The following OSBPL10 variants were observed in gnomAD, a reference collection of about 807,000 sequenced individuals.
The protein encoded by OSBPL10 is oxysterol-binding protein-related protein 10.
OSBPL10 carries 49 observed loss-of-function variants against 81.7 expected under a neutral mutation model. The observed-to-expected ratio is 0.60, with a 90% CI of 0.48 to 0.76. The LOEUF is 0.76. OSBPL10 is among the 30% of genes least tolerant of loss of function. OSBPL10 has a pLI of 0.00. For synonymous variants in OSBPL10, 419 were observed against 383.6 expected (o/e 1.09, Z -1.08); for missense variants, 923 against 987.8 (o/e 0.93, Z 0.88).
At chr3:31,779,956 G>T (rs1412498418) in intron 4 of OSBPL10, among the ~76,000 whole-genome samples, 1 of 152,154 alleles carries the variant, frequency 6.6e-6, no homozygotes, top group Non-Finnish European at 1.5e-5. Context: ...TAATCTTTGA[G>T]TCAACAATAA....
chr3:32,000,021 GC>G (rs1456726432), intron 2 of OSBPL10, among the ~76,000 whole-genome samples: 3 of 152,090 alleles, frequency 2.0e-5, no homozygotes, highest in Non-Finnish European at 2.9e-5. Flanking sequence ...GATGATCTTT[GC>G]CACAAAGATA....
chr3:31,847,904 A>C (rs560664917), intron 3 of OSBPL10, among the ~76,000 whole-genome samples: 2 of 152,118 alleles, frequency 1.3e-5, no homozygotes, highest in African/African-American at 4.8e-5. Flanking sequence ...CCAGACACAC[A>C]GCGGGGCTGC....
chr3:31,928,295 C>A (rs542719571), intron 1 of OSBPL10, among the ~76,000 whole-genome samples: 1 of 152,250 alleles, frequency 6.6e-6, no homozygotes, highest in South Asian at 2.1e-4. Flanking sequence ...TCTACCTTAA[C>A]CTGCCTGGAA....
intron 8 of OSBPL10, among the ~76,000 whole-genome samples, chr3:31,682,753 A>G (rs1198981200): frequency 6.6e-6 from 1 of 152,214 alleles, no homozygotes; most frequent in Non-Finnish European, 1.5e-5. Flanking sequence ...GAAGGAGAAC[A>G]GAAGCATCAT....
chr3:31,881,577 T>C (rs1695579518), intron 1 of OSBPL10, among the ~76,000 whole-genome samples: 1 of 152,156 alleles, frequency 6.6e-6, no homozygotes, highest in South Asian at 2.1e-4. Flanking sequence ...AACAGCAATG[T>C]CCAGTATGAT....
intron 1 of OSBPL10, among the ~76,000 whole-genome samples, chr3:31,932,673 T>A (rs568879022): frequency 1.1e-4 from 16 of 152,216 alleles, no homozygotes; most frequent in Admixed American, 2.0e-4. Context: ...CTATTTAACA[T>A]CATTTTAATG....
intron 4 of OSBPL10, among the ~76,000 whole-genome samples, chr3:31,812,080 T>C (rs980665461): frequency 6.6e-6 from 1 of 152,196 alleles, no homozygotes; most frequent in Non-Finnish European, 1.5e-5. Flanking sequence ...CAGGCTGGAG[T>C]GCAGTGTCGC....
At chr3:31,839,181 C>G (rs1700434418) in intron 3 of OSBPL10, among the ~76,000 whole-genome samples, 1 of 152,326 alleles carries the variant, frequency 6.6e-6, no homozygotes, top group East Asian at 1.9e-4. Context: ...TTAAAAATAT[C>G]AACACTGATT....
intron 4 of OSBPL10, among the ~76,000 whole-genome samples, chr3:31,791,269 T>G (rs115348581): frequency 2.3e-3 from 343 of 152,326 alleles, no homozygotes; most frequent in African/African-American, 7.7e-3. Context: ...TGGGAGTATA[T>G]GCACAGTGGC....
chr3:31,718,626 A>G (rs1312559542), intron 6 of OSBPL10: 1 of 152,226 alleles, frequency 6.6e-6, no homozygotes, highest in Non-Finnish European at 1.5e-5. Context: ...AACAACTGAG[A>G]GTATGTAACA....
chr3:31,767,671 C>T (rs1222735018), intron 4 of OSBPL10, among the ~76,000 whole-genome samples: 1 of 152,198 alleles, frequency 6.6e-6, no homozygotes, highest in Non-Finnish European at 1.5e-5. Context: ...CATGTCCCCA[C>T]TCCCATAGCA....
rs112094430 is a variant in OSBPL10, at chr3:31,751,442, G to A, written c.730-3322C>T. On this transcript the variant is annotated intron_variant, in intron 4 of 11. Coordinates refer to ENST00000396556, the MANE Select transcript of OSBPL10 (RefSeq NM_017784.5). Reference sequence around the variant, plus strand: ...TATTCATCCGTATTTACTGAGAGCCGATTGCCAATAGCAACGGCAGGTAGC... The same window carrying A: ...TATTCATCCGTATTTACTGAGAGCCAATTGCCAATAGCAACGGCAGGTAGC... Among the ~76,000 whole-genome samples, 1,132 of 152,244 alleles carry A rather than the reference G, an allele frequency of 7.4e-3. 14 individuals are homozygous for A. Among genetic ancestry groups the A allele is most frequent in the Middle Eastern group, 0.024 (7 of 294 alleles).
intron 11 of OSBPL10, 133 bp downstream of exon 11, chr3:31,663,946 C>T (rs1023616737): frequency 2.1e-5 from 33 of 1,589,724 alleles, no homozygotes; most frequent in East Asian, 1.8e-4. Flanking sequence ...GAGTCAGAAC[C>T]GAGCTGCCCT....
chr3:31,926,111 G>A (rs1404924723), intron 1 of OSBPL10, among the ~76,000 whole-genome samples: 1 of 152,118 alleles, frequency 6.6e-6, no homozygotes, highest in South Asian at 2.1e-4. Context: ...ACACATGTAC[G>A]TTTCCTTTGA....
intron 2 of OSBPL10, among the ~76,000 whole-genome samples, chr3:32,033,034 T>C (rs1699487126): frequency 2.0e-5 from 3 of 152,362 alleles, no homozygotes; most frequent in Middle Eastern, 3.4e-3. Flanking sequence ...TGTCAAATTA[T>C]AATGTGATGA....
intron 3 of OSBPL10, among the ~76,000 whole-genome samples, chr3:31,833,214 G>A (rs1347812743): frequency 1.3e-5 from 2 of 152,134 alleles, no homozygotes; most frequent in Non-Finnish European, 2.9e-5. Flanking sequence ...TCCAGGAAAA[G>A]GCAGATTTTT....
chr3:32,048,842 A>G (rs1050267022), intron 1 of OSBPL10, among the ~76,000 whole-genome samples: 1 of 152,224 alleles, frequency 6.6e-6, no homozygotes, highest in Non-Finnish European at 1.5e-5. Context: ...CTTTGCTGAT[A>G]AAACAGGATG....
chr3:31,713,953 G>C (rs1199696709), intron 6 of OSBPL10: 1 of 152,196 alleles, frequency 6.6e-6, no homozygotes, highest in Non-Finnish European at 1.5e-5. Context: ...ATCTGACACT[G>C]ACTTATTCGT....
intron 1 of OSBPL10, among the ~76,000 whole-genome samples, chr3:31,933,376 T>G (rs1400359369): frequency 6.6e-6 from 1 of 152,048 alleles, no homozygotes; most frequent in Non-Finnish European, 1.5e-5. Context: ...TGAAGTATAC[T>G]TTAAATGTCC....
Sources: gnomAD v4.1 joint callset for allele counts (sites outside exome capture counted in the v4.1 genomes callset) on GRCh38, gnomAD v4.1.1 for gene constraint, MANE v1.5 for transcripts, NCBI Gene and HGNC (gene_info 2026-07-23, HGNC 2026-07-21) for gene names.